OPA1: variants seen among roughly 807,000 people sequenced by gnomAD.
OPA1 encodes the protein OPA1 mitochondrial dynamin like GTPase.
A neutral mutation model predicts 152.9 loss-of-function variants in OPA1; 59 were observed. The ratio of observed to expected loss-of-function variants is 0.39; its 90% confidence interval spans 0.31 to 0.48. The LOEUF is 0.48. Ranked by LOEUF, OPA1 falls within the 20% of genes least tolerant of loss-of-function variation. The pLI is 0.96. For missense variants in OPA1, 1,008 were observed against 1,216.8 expected, an observed-to-expected ratio of 0.83 and a Z score of 2.55; for synonymous variants, 400 against 389.9, an observed-to-expected ratio of 1.03 and a Z score of -0.31.
chr3:193,667,916 A>T (rs1403590968), intron 29 of OPA1, among the ~76,000 whole-genome samples: 1 of 152,130 alleles, frequency 6.6e-6, no homozygotes, highest in Non-Finnish European at 1.5e-5. Flanking sequence ...TCAATACCTG[A>T]CCCAGCTTCC....
chr3:193,624,803 A>C (rs1730777601), intron 6 of OPA1, among the ~76,000 whole-genome samples: 1 of 152,150 alleles, frequency 6.6e-6, no homozygotes, highest in Non-Finnish European at 1.5e-5. Flanking sequence ...TATCAAAACT[A>C]ACAGAATAAA....
intron 7 of OPA1, among the ~76,000 whole-genome samples, chr3:193,631,327 C>G (rs1441604056): frequency 6.6e-6 from 1 of 152,002 alleles, no homozygotes; most frequent in Non-Finnish European, 1.5e-5. Flanking sequence ...GTGTTGATCT[C>G]TTGTTTTTCT....
intron 29 of OPA1, among the ~76,000 whole-genome samples, chr3:193,682,570 A>G (rs1358438272): frequency 3.3e-5 from 5 of 152,200 alleles, no homozygotes; most frequent in African/African-American, 9.6e-5. Flanking sequence ...TTGGGTGCCA[A>G]TGCAGCAGGT....
chr3:193,644,662 T>G (rs1242026627), intron 16 of OPA1, among the ~76,000 whole-genome samples: 1 of 152,136 alleles, frequency 6.6e-6, no homozygotes, highest in Non-Finnish European at 1.5e-5. Context: ...TCTGCTTTCT[T>G]TTTAAGGGTA....
rs565223915 is a variant in OPA1, at chr3:193,627,425, A to G, written c.789+1223A>G. The G allele has an allele frequency of 2.0e-5, 3 of 152,316 alleles. No individual in the cohort carries two copies. The East Asian group carries it at 5.8e-4, about 29-fold the overall frequency. 9.4% of individuals were successfully genotyped at this position (152,316 alleles called of 1,614,324 possible). On this transcript the variant is annotated intron_variant, in intron 7 of 30. Coordinates refer to ENST00000361510, the MANE Select transcript of OPA1 (RefSeq NM_130837.3). ...ACTTCTTTTGAATGGTACTTTAACAATCCCTGTTCTGTATACTGTGAATAT... is the reference window on the plus strand; with the variant it reads ...ACTTCTTTTGAATGGTACTTTAACAGTCCCTGTTCTGTATACTGTGAATAT...
At chr3:193,610,048 T>C (rs1039778783) in intron 1 of OPA1, among the ~76,000 whole-genome samples, 4 of 152,360 alleles carry the variant, frequency 2.6e-5, no homozygotes, top group African/African-American at 9.6e-5. Flanking sequence ...TCAAAGTCAT[T>C]CTCTGTCCAG....
intron 8 of OPA1, among the ~76,000 whole-genome samples, chr3:193,634,310 GTCT>G (rs1431830742): frequency 6.6e-6 from 1 of 150,960 alleles, no homozygotes; most frequent in Middle Eastern, 3.2e-3. Context: ...AGACATATTA[GTCT>G]TCTTTAAAAA....
intron 23 of OPA1, among the ~76,000 whole-genome samples, chr3:193,657,521 C>A (rs954959983): frequency 6.6e-6 from 1 of 152,062 alleles, no homozygotes; most frequent in African/African-American, 2.4e-5. Flanking sequence ...ATTTTATGGG[C>A]CTGTCTGTAG....
chr3:193,633,217 C>T (rs1305863814), intron 8 of OPA1, among the ~76,000 whole-genome samples: 1 of 152,122 alleles, frequency 6.6e-6, no homozygotes, highest in Admixed American at 6.5e-5. Context: ...ACATTCTTGA[C>T]CCCATCCCAT....
At chr3:193,663,021 A>G in intron 26 of OPA1, 59 bp downstream of exon 26, 1 of 1,547,936 alleles carries the variant, frequency 6.5e-7, no homozygotes, top group African/African-American at 1.4e-5. Context: ...TCTTGCAGTA[A>G]ATGTTACTAC....
rs760710808 is a variant in OPA1 at position 193,614,852 on chromosome 3, A to T, written c.162A>T (p.Gln54His). Residue 54 changes from glutamine (Q) to histidine (H), a missense_variant, in exon 2 of 31, where the codon CAA (glutamine) becomes CAT (histidine). This residue lies in a region of OPA1 where 408 missense variants were observed against 395.1 expected (regional missense o/e 1.03). Coordinates refer to ENST00000361510, the MANE Select transcript of OPA1 (RefSeq NM_130837.3). ...CTACCTTAAAGCTTCAACGACCCCA[A>T]TTAAGGACATCCTTTCAGCAGTTCT... ...HHPTLKLQRP[Q>H]LRTSFQQFSS... The T allele has an allele frequency of 6.2e-7, 1 of 1,614,140 alleles. No individual in the cohort carries two copies. The highest frequency in any genetic ancestry group is 2.2e-5 in the East Asian group (1 of 44,878).
chr3:193,686,825 C>G (rs1396545273), intron 29 of OPA1, among the ~76,000 whole-genome samples: 1 of 152,160 alleles, frequency 6.6e-6, no homozygotes, highest in African/African-American at 2.4e-5. Context: ...AGTGCTCAGG[C>G]AGCATGTTAT....
intron 21 of OPA1, among the ~76,000 whole-genome samples, chr3:193,654,253 T>G (rs1577284469): frequency 6.6e-6 from 1 of 152,164 alleles, no homozygotes; most frequent in South Asian, 2.1e-4. Flanking sequence ...CCCAACACTT[T>G]GGGAGGCCAA....
chr3:193,673,170 G>A (rs754949902), intron 29 of OPA1, among the ~76,000 whole-genome samples: 4 of 152,142 alleles, frequency 2.6e-5, no homozygotes, highest in African/African-American at 4.8e-5. Flanking sequence ...TACTGTGCCA[G>A]AATCATTTGG....
chr3:193,619,665 A>T (rs1028028022), intron 6 of OPA1: 1 of 152,196 alleles, frequency 6.6e-6, no homozygotes, highest in Non-Finnish European at 1.5e-5. Flanking sequence ...TGATTCCTTG[A>T]AAGTTTTTTT....
intron 27 of OPA1, 40 bp downstream of exon 27, chr3:193,665,036 C>T (rs1325092504): frequency 1.8e-6 from 2 of 1,108,762 alleles, no homozygotes; most frequent in South Asian, 1.3e-5. Context: ...TTTTAAGCAA[C>T]AGTTGTCAAA....
chr3:193,606,000 A>G (rs1219252373), intron 1 of OPA1, among the ~76,000 whole-genome samples: 1 of 152,182 alleles, frequency 6.6e-6, no homozygotes, highest in African/African-American at 2.4e-5. Context: ...CTTTAAAGGT[A>G]TTACGGGGAG....
chr3:193,689,345 G>A (rs1327943912), intron 29 of OPA1, among the ~76,000 whole-genome samples: 2 of 152,134 alleles, frequency 1.3e-5, no homozygotes, highest in African/African-American at 4.8e-5. Context: ...ATTACTTCCT[G>A]GTAACTTAGT....
chr3:193,605,757 T>G (rs1727157578), intron 1 of OPA1, among the ~76,000 whole-genome samples: 1 of 152,194 alleles, frequency 6.6e-6, no homozygotes, highest in African/African-American at 2.4e-5. Context: ...TGGAACAGTA[T>G]CACGTAGTAA....
Sources: allele counts gnomAD v4.1 joint callset (sites outside exome capture counted in the v4.1 genomes callset), GRCh38; gene constraint gnomAD v4.1.1; regional missense constraint gnomAD v4.1.1; transcripts MANE v1.5; gene names NCBI Gene and HGNC (gene_info 2026-07-23, HGNC 2026-07-21).